DLG2: variants seen among roughly 807,000 people sequenced by gnomAD.
DLG2 encodes disks large homolog 2.
Under a neutral mutation model 132.5 loss-of-function variants are expected in DLG2, and 45 were observed. The ratio of observed to expected loss-of-function variants is 0.34; its 90% CI spans 0.27 to 0.44. The LOEUF (loss-of-function observed/expected upper bound fraction) is 0.44, where lower values mean the gene tolerates loss of function less well. DLG2 is among the 20% of genes least tolerant of loss of function. DLG2 has a pLI of 1.00. For missense variants in DLG2, 1,045 were observed against 1,196.9 expected, an observed-to-expected ratio of 0.87 and a Z score of 1.87; for synonymous variants, 424 against 419.6, an observed-to-expected ratio of 1.01 and a Z score of -0.13.
chr11:85,180,282 A>G lies in DLG2; in HGVS notation c.187-25631T>C, dbSNP rs139330643. 7.0e-3 allele frequency among the ~76,000 whole-genome samples: 1,064 copies of G among 152,004 alleles called. 7 individuals carry two copies. Among genetic ancestry groups the G allele is most frequent in the Non-Finnish European group, 0.011 (730 of 67,840 alleles). On this transcript the variant is annotated intron_variant, in intron 4 of 27. Coordinates refer to ENST00000376104, the MANE Select transcript of DLG2 (RefSeq NM_001142699.3). ...CTTCTGAATCTTGTGATAATAGGTGACATTTATTCTGTTCTTTATATATTT... is the reference window on the plus strand; with the variant it reads ...CTTCTGAATCTTGTGATAATAGGTGGCATTTATTCTGTTCTTTATATATTT...
chr11:84,269,680 C>T (rs1466564264), intron 7 of DLG2, among the ~76,000 whole-genome samples: 2 of 152,152 alleles, frequency 1.3e-5, no homozygotes, highest in Non-Finnish European at 2.9e-5. Context: ...ATAAGTTTTT[C>T]TGAGATGAAT....
At chr11:83,741,785 G>C (rs1237744468) in intron 18 of DLG2, among the ~76,000 whole-genome samples, 2 of 152,028 alleles carry the variant, frequency 1.3e-5, no homozygotes, top group African/African-American at 4.8e-5. Flanking sequence ...GAGGCAGGTG[G>C]ATCATGAGAT....
intron 6 of DLG2, among the ~76,000 whole-genome samples, chr11:84,934,504 G>GGT (rs2048457280): frequency 3.0e-5 from 1 of 33,870 alleles, no homozygotes; most frequent in Admixed American, 2.8e-4. Context: ...GGTCCTGGGT[G>GGT]TTTTTTTTTT....
intron 6 of DLG2, among the ~76,000 whole-genome samples, chr11:84,983,299 C>A (rs541273341): frequency 6.6e-6 from 1 of 152,240 alleles, no homozygotes; most frequent in South Asian, 2.1e-4. Context: ...GACCCACAGA[C>A]GGTTCACATC....
At chr11:85,578,619 T>A (rs7940714) in intron 3 of DLG2, among the ~76,000 whole-genome samples, 43,525 of 151,878 alleles carry the variant, frequency 0.29, 7,248 homozygotes, top group African/African-American at 0.44. Flanking sequence ...TGCCAACAAT[T>A]ATATAAAAAA....
chr11:84,142,276 G>A (rs764625916), intron 9 of DLG2, among the ~76,000 whole-genome samples: 12 of 143,334 alleles, frequency 8.4e-5, no homozygotes, highest in Non-Finnish European at 7.5e-5. Flanking sequence ...AGCCGAGATC[G>A]CTCCACTGCA....
At chr11:83,584,241 G>C (rs1593771208) in intron 19 of DLG2, among the ~76,000 whole-genome samples, 1 of 152,158 alleles carries the variant, frequency 6.6e-6, no homozygotes, top group South Asian at 2.1e-4. Flanking sequence ...TTTATTCCTA[G>C]CATCTAACAC....
chr11:84,767,133 G>T (rs1176430969), intron 6 of DLG2, among the ~76,000 whole-genome samples: 1 of 152,018 alleles, frequency 6.6e-6, no homozygotes, highest in African/African-American at 2.4e-5. Context: ...TGTATTTTAA[G>T]TATAACCATA....
intron 6 of DLG2, among the ~76,000 whole-genome samples, chr11:84,651,925 G>A (rs2099682509): frequency 6.6e-6 from 1 of 152,144 alleles, no homozygotes; most frequent in African/African-American, 2.4e-5. Context: ...TAATAATGAA[G>A]TGGTCAGAAT....
chr11:85,285,048 T>C (rs950313751), intron 4 of DLG2, among the ~76,000 whole-genome samples, 172 bp downstream of exon 4: 10 of 151,970 alleles, frequency 6.6e-5, no homozygotes, highest in African/African-American at 2.4e-4. Flanking sequence ...CCCTATTTTA[T>C]GTTTTGGAAA....
intron 18 of DLG2, among the ~76,000 whole-genome samples, chr11:83,721,521 C>G (rs2088557923): frequency 6.6e-6 from 1 of 152,208 alleles, no homozygotes; most frequent in Non-Finnish European, 1.5e-5. Context: ...GGTCACTGAG[C>G]ACCTGCTATT....
intron 20 of DLG2, among the ~76,000 whole-genome samples, chr11:83,536,712 T>C (rs1260900427): frequency 2.0e-5 from 3 of 152,172 alleles, no homozygotes; most frequent in Non-Finnish European, 4.4e-5. Flanking sequence ...GCTGGGTACA[T>C]AGTAGATGCT....
At chr11:83,797,938 A>G (rs1449994686) in intron 17 of DLG2, among the ~76,000 whole-genome samples, 1 of 152,216 alleles carries the variant, frequency 6.6e-6, no homozygotes, top group Non-Finnish European at 1.5e-5. Context: ...ATTGAGAAAT[A>G]TTATTTTAAC....
At chr11:84,466,789 A>T (rs1467813780) in intron 7 of DLG2, among the ~76,000 whole-genome samples, 1 of 151,348 alleles carries the variant, frequency 6.6e-6, no homozygotes. Flanking sequence ...CTCTATAGCC[A>T]TACCTCTGTA....
chr11:84,443,922 AT>A (rs891199433), intron 7 of DLG2, among the ~76,000 whole-genome samples: 6 of 150,666 alleles, frequency 4.0e-5, no homozygotes, highest in East Asian at 3.9e-4. Flanking sequence ...CATTTTTATC[AT>A]TTTTTTCTCT....
At chr11:84,554,058 C>A (rs1220169901) in intron 6 of DLG2, among the ~76,000 whole-genome samples, 3 of 152,162 alleles carry the variant, frequency 2.0e-5, no homozygotes, top group Non-Finnish European at 4.4e-5. Flanking sequence ...AAATTGAATT[C>A]AATTCAAATT....
intron 18 of DLG2, among the ~76,000 whole-genome samples, chr11:83,667,266 C>T (rs1015634626): frequency 1.3e-5 from 2 of 152,142 alleles, no homozygotes; most frequent in Non-Finnish European, 2.9e-5. Context: ...TTGAAATGGA[C>T]TTATTACCAT....
At chr11:84,491,142 C>T (rs1042617182) in intron 7 of DLG2, among the ~76,000 whole-genome samples, 6 of 151,944 alleles carry the variant, frequency 3.9e-5, no homozygotes, top group African/African-American at 1.2e-4. Flanking sequence ...CAGGGGAAAT[C>T]GGAAGCCAGG....
intron 7 of DLG2, among the ~76,000 whole-genome samples, chr11:84,271,343 C>A (rs2097719367): frequency 6.6e-6 from 1 of 152,112 alleles, no homozygotes; most frequent in African/African-American, 2.4e-5. Flanking sequence ...AAACTGGAAA[C>A]ACACTGGAAT....
Sources: gnomAD v4.1 joint callset for allele counts (sites outside exome capture counted in the v4.1 genomes callset) on GRCh38, gnomAD v4.1.1 for gene constraint, MANE v1.5 for transcripts, NCBI Gene and HGNC (gene_info 2026-07-23, HGNC 2026-07-21) for gene names.